Variants in DLGAP2 observed in about 807,000 individuals in gnomAD.
DLGAP2 encodes DLG associated protein 2, also known as disks large-associated protein 2.
DLGAP2 carries 26 observed loss-of-function variants against 100.3 expected under a neutral mutation model. The ratio of observed to expected loss-of-function variants is 0.26; its 90% CI spans 0.19 to 0.36. The LOEUF (loss-of-function observed/expected upper bound fraction) is 0.36, where lower values mean the gene tolerates loss of function less well. DLGAP2 is among the 10% of genes least tolerant of loss of function. DLGAP2 has a pLI of 1.00. For synonymous variants in DLGAP2, 886 were observed against 630.1 expected, an observed-to-expected ratio of 1.41 and a Z score of -6.08; for missense variants, 1,858 against 1,453.2, an observed-to-expected ratio of 1.28 and a Z score of -4.53.
intron 3 of DLGAP2, among the ~76,000 whole-genome samples, chr8:1,486,930 AG>A (rs1292886430): frequency 6.6e-6 from 1 of 152,208 alleles, no homozygotes; most frequent in Non-Finnish European, 1.5e-5. Context: ...TGGGCAACCC[AG>A]GGAGACCAGC....
intron 1 of DLGAP2, among the ~76,000 whole-genome samples, chr8:768,943 C>T (rs541172194): frequency 6.6e-6 from 1 of 152,086 alleles, no homozygotes; most frequent in Non-Finnish European, 1.5e-5. Context: ...CTGGTCTGAA[C>T]CTTGGGCGTC....
intron 1 of DLGAP2, among the ~76,000 whole-genome samples, chr8:867,158 T>C (rs927011677): frequency 2.0e-5 from 3 of 152,138 alleles, no homozygotes; most frequent in African/African-American, 7.2e-5. Flanking sequence ...AGACACGGAG[T>C]TCGTAAATTA....
intron 3 of DLGAP2, among the ~76,000 whole-genome samples, chr8:1,260,615 G>T (rs1032708962): frequency 6.6e-6 from 1 of 151,278 alleles, no homozygotes; most frequent in Non-Finnish European, 1.5e-5. Context: ...ATGATTTCTG[G>T]GGACATAAAA....
At chr8:1,114,578 G>A (rs1288447354) in intron 2 of DLGAP2, among the ~76,000 whole-genome samples, 3 of 151,408 alleles carry the variant, frequency 2.0e-5, no homozygotes, top group Non-Finnish European at 4.4e-5. Flanking sequence ...ATTTATTTGG[G>A]CCTCCTCTCT....
intron 3 of DLGAP2, among the ~76,000 whole-genome samples, chr8:1,321,503 T>G (rs1306226892): frequency 6.6e-6 from 1 of 152,276 alleles, no homozygotes; most frequent in African/African-American, 2.4e-5. Context: ...ACCACCATGC[T>G]GCTTGGCTGT....
chr8:1,497,759 G>A (rs763564832), intron 3 of DLGAP2, among the ~76,000 whole-genome samples: 5 of 152,174 alleles, frequency 3.3e-5, no homozygotes, highest in East Asian at 1.9e-4. Context: ...GGTAGTCCCC[G>A]CTGTCCACGG....
At chr8:1,262,958 T>C (rs751196942) in intron 3 of DLGAP2, among the ~76,000 whole-genome samples, 4 of 152,166 alleles carry the variant, frequency 2.6e-5, no homozygotes, top group Non-Finnish European at 5.9e-5. Flanking sequence ...GATTTTCCGA[T>C]GTGGGAAGAC....
chr8:1,048,175 G>A (rs891965848), intron 2 of DLGAP2, among the ~76,000 whole-genome samples: 1 of 152,170 alleles, frequency 6.6e-6, no homozygotes, highest in Non-Finnish European at 1.5e-5. Context: ...GATAGAACTG[G>A]CCTGCAGTGT....
chr8:1,271,853 C>T (rs895940382), intron 3 of DLGAP2, among the ~76,000 whole-genome samples: 1 of 152,178 alleles, frequency 6.6e-6, no homozygotes, highest in Non-Finnish European at 1.5e-5. Context: ...CTTGTTCTAT[C>T]ACCCAGGCTG....
intron 2 of DLGAP2, among the ~76,000 whole-genome samples, chr8:984,184 G>A (rs971179025): frequency 4.6e-5 from 7 of 152,134 alleles, no homozygotes; most frequent in African/African-American, 9.7e-5. Flanking sequence ...AGACTTAAAC[G>A]TCCTGGATTC....
chr8:1,517,456 C>T (rs919923038), intron 4 of DLGAP2, among the ~76,000 whole-genome samples: 2 of 152,142 alleles, frequency 1.3e-5, no homozygotes, highest in Admixed American at 6.5e-5. Flanking sequence ...TTCCCCACCC[C>T]CTGCTCCACT....
intron 1 of DLGAP2, among the ~76,000 whole-genome samples, chr8:808,523 A>T (rs1399756938): frequency 6.6e-6 from 1 of 152,204 alleles, no homozygotes; most frequent in Admixed American, 6.5e-5. Flanking sequence ...TTCCTTCCTC[A>T]TCTGAATGGA....
At chr8:1,331,901 A>T (rs1028794905) in intron 3 of DLGAP2, among the ~76,000 whole-genome samples, 4 of 152,186 alleles carry the variant, frequency 2.6e-5, no homozygotes, top group African/African-American at 7.2e-5. Context: ...CACTGGGGTC[A>T]GGGAGCCATG....
At chr8:1,367,916 C>G (rs1314598875) in intron 3 of DLGAP2, among the ~76,000 whole-genome samples, 2 of 152,190 alleles carry the variant, frequency 1.3e-5, no homozygotes, top group African/African-American at 4.8e-5. Context: ...CCCGAACAAG[C>G]TCAGTTGTTC....
intron 2 of DLGAP2, among the ~76,000 whole-genome samples, chr8:1,001,344 G>A (rs1271581808): frequency 6.6e-6 from 1 of 152,144 alleles, no homozygotes; most frequent in Non-Finnish European, 1.5e-5. Flanking sequence ...AAAAACATAA[G>A]TTTGTGTTAC....
At chr8:1,361,203 T>A (rs1241245789) in intron 3 of DLGAP2, among the ~76,000 whole-genome samples, 1 of 152,110 alleles carries the variant, frequency 6.6e-6, no homozygotes, top group Non-Finnish European at 1.5e-5. Flanking sequence ...CAACTGCAAA[T>A]GTGTAGCCCT....
chr8:1,318,778 G>GCCCCCCCCCCCCCCCCCTC (rs34614425), intron 3 of DLGAP2, among the ~76,000 whole-genome samples: 1 of 105,574 alleles, frequency 9.5e-6, no homozygotes, highest in Non-Finnish European at 1.8e-5. Flanking sequence ...TCAGTGATCA[G>GCCCCCCCCCCCCCCCCCTC]CCCCCCCCCC....
chr8:1,059,594 T>C (rs914321554), intron 2 of DLGAP2, among the ~76,000 whole-genome samples: 1 of 152,148 alleles, frequency 6.6e-6, no homozygotes, highest in Non-Finnish European at 1.5e-5. Flanking sequence ...AGGGGTGTGT[T>C]CATGGCTTTT....
intron 1 of DLGAP2, among the ~76,000 whole-genome samples, chr8:801,716 C>G (rs1395287569): frequency 1.3e-5 from 2 of 152,124 alleles, no homozygotes; most frequent in Non-Finnish European, 2.9e-5. Flanking sequence ...CCTTCCCACT[C>G]TCCAGCAATG....
Sources: allele counts gnomAD v4.1 joint callset (sites outside exome capture counted in the v4.1 genomes callset), GRCh38; gene constraint gnomAD v4.1.1; transcripts MANE v1.5; gene names NCBI Gene and HGNC (gene_info 2026-07-23, HGNC 2026-07-21).